Variants in RBMS1 observed in about 807,000 individuals in gnomAD.
RBMS1 encodes the protein RNA binding motif single stranded interacting protein 1.
Under a neutral mutation model 62.3 loss-of-function variants are expected in RBMS1, and 17 were observed. The observed-to-expected ratio is 0.27, with a 90% confidence interval of 0.19 to 0.41. The LOEUF is 0.41. RBMS1 is among the 10% of genes least tolerant of loss of function. The pLI, the probability that RBMS1 is intolerant of heterozygous loss-of-function variation, is 1.00. For synonymous variants in RBMS1, 172 were observed against 170.0 expected (o/e 1.01, Z -0.09); for missense variants, 334 against 504.5 (o/e 0.66, Z 3.24).
chr2:160,374,888 C>T (rs995071124), intron 1 of RBMS1, among the ~76,000 whole-genome samples: 4 of 151,990 alleles, frequency 2.6e-5, no homozygotes. Flanking sequence ...TGAGATTGCA[C>T]CATTGCACTC....
In RBMS1 at chr2:160,415,544, A is replaced by T. The variant is rs576998758; in HGVS notation, c.76-48153T>A. Among the ~76,000 whole-genome samples the T allele has an allele frequency of 1.6e-4, 24 of 152,342 alleles. 1 individual carries two copies. The South Asian group carries it at 5.0e-3, about 32-fold the overall frequency. On this transcript the variant is annotated intron_variant, in intron 1 of 13. Coordinates refer to ENST00000348849, the MANE Select transcript of RBMS1 (RefSeq NM_016836.4). Reference sequence around the variant, plus strand: ...AAAATCTTTATATCGTGGGAAACAAAATTAATTCAAACCTGGAATGACCAT... The same window carrying T: ...AAAATCTTTATATCGTGGGAAACAATATTAATTCAAACCTGGAATGACCAT...
At chr2:160,468,761 C>A (rs1684799317) in intron 1 of RBMS1, among the ~76,000 whole-genome samples, 1 of 152,088 alleles carries the variant, frequency 6.6e-6, no homozygotes, top group African/African-American at 2.4e-5. Context: ...TAATTTGTAT[C>A]CATTAATTCA....
chr2:160,438,209 A>G (rs539149665), intron 1 of RBMS1, among the ~76,000 whole-genome samples: 1 of 152,292 alleles, frequency 6.6e-6, no homozygotes, highest in Non-Finnish European at 1.5e-5. Context: ...AGTTATATAA[A>G]AAGTCCATTG....
chr2:160,438,543 A>C (rs1474339135), intron 1 of RBMS1, among the ~76,000 whole-genome samples: 3 of 152,202 alleles, frequency 2.0e-5, no homozygotes, highest in South Asian at 2.1e-4. Flanking sequence ...CTGAGTGGAC[A>C]CAGCACATGT....
intron 1 of RBMS1, among the ~76,000 whole-genome samples, chr2:160,418,433 T>C (rs890587372): frequency 1.3e-5 from 2 of 152,182 alleles, no homozygotes; most frequent in Non-Finnish European, 2.9e-5. Flanking sequence ...TAAAAAGACA[T>C]ATATCTGAAA....
intron 2 of RBMS1, among the ~76,000 whole-genome samples, chr2:160,347,260 T>TA (rs1486849123): frequency 6.6e-6 from 1 of 152,160 alleles, no homozygotes; most frequent in East Asian, 1.9e-4. Flanking sequence ...TCAAATGGTT[T>TA]AAAGTTTCAG....
Position 160,278,635 on chromosome 2 carries a change from C to T in RBMS1, c.975G>A (p.Met325Ile). ...CGGGCTGTAGTGACATGGTGTGCTC[C>T]ATTGAGGGAGTTAACACGGCACCCT... ...QHPGAVLTPS[M>I]EHTMSLQPAS... The change falls in exon 11 of 14, where the codon ATG (methionine) becomes ATA (isoleucine). Residue 325 changes from methionine to isoleucine, a missense_variant. Coordinates refer to ENST00000348849, the MANE Select transcript of RBMS1 (RefSeq NM_016836.4). 6.2e-7 allele frequency: 1 copy of T among 1,613,120 alleles called. No homozygotes were observed. The highest frequency in any genetic ancestry group is 1.3e-5 in the African/African-American group (1 of 74,986).
intron 1 of RBMS1, among the ~76,000 whole-genome samples, chr2:160,439,416 G>A (rs113508026): frequency 0.24 from 36,919 of 150,890 alleles, 5,547 homozygotes; most frequent in East Asian, 0.58. Context: ...CATCCCGGAC[G>A]GGGCGGCAGG....
rs1412694939 is a variant in RBMS1, at chr2:160,339,842, GT to G, written c.252-21616del. Among the ~76,000 whole-genome samples, 12 of 152,256 alleles carry G rather than the reference GT, an allele frequency of 7.9e-5. No individual in the cohort carries two copies. In the East Asian group the frequency reaches 2.3e-3, roughly 29 times the overall value. ...TAAAGGTATTTATCTTTGCATTGATGTTTAGATCATTACTGCTCATCAAATG... is the reference window on the plus strand; with the variant it reads ...TAAAGGTATTTATCTTTGCATTGATGTTAGATCATTACTGCTCATCAAATG... On this transcript the variant is annotated intron_variant, in intron 2 of 13. Transcript: ENST00000348849.
At chr2:160,321,721 G>A (rs1690571801) in intron 2 of RBMS1, among the ~76,000 whole-genome samples, 1 of 151,948 alleles carries the variant, frequency 6.6e-6, no homozygotes, top group Non-Finnish European at 1.5e-5. Context: ...CTCCTACCAA[G>A]CTCGGGGTCC....
chr2:160,351,992 G>A (rs1454896825), intron 2 of RBMS1, among the ~76,000 whole-genome samples: 2 of 152,058 alleles, frequency 1.3e-5, no homozygotes, highest in South Asian at 2.1e-4. Context: ...GGTAAGTGAA[G>A]AAAAAATCAA....
intron 2 of RBMS1, among the ~76,000 whole-genome samples, chr2:160,361,496 A>G (rs535365249): frequency 6.6e-6 from 1 of 152,376 alleles, no homozygotes; most frequent in South Asian, 2.1e-4. Flanking sequence ...GAGACATTGC[A>G]GGTTTGGTTC....
intron 1 of RBMS1, among the ~76,000 whole-genome samples, chr2:160,413,348 AAAG>A (rs1696101470): frequency 6.6e-6 from 1 of 152,182 alleles, no homozygotes; most frequent in African/African-American, 2.4e-5. Flanking sequence ...GGAGAAAAAA[AAAG>A]AAGAAAAAAT....
At chr2:160,292,736 G>A (rs745461053) in intron 6 of RBMS1, among the ~76,000 whole-genome samples, 1 of 152,160 alleles carries the variant, frequency 6.6e-6, no homozygotes, top group Admixed American at 6.5e-5. Flanking sequence ...ATGTTGATTT[G>A]TGAGGCTGGC....
At chr2:160,385,486 A>C (rs779922991) in intron 1 of RBMS1, among the ~76,000 whole-genome samples, 12 of 152,238 alleles carry the variant, frequency 7.9e-5, no homozygotes, top group Admixed American at 2.0e-4. Flanking sequence ...TCCCCAGAAG[A>C]GGTCCCTGGA....
At chr2:160,403,520 C>T (rs188828705) in intron 1 of RBMS1, among the ~76,000 whole-genome samples, 15 of 152,182 alleles carry the variant, frequency 9.9e-5, no homozygotes, top group Non-Finnish European at 7.4e-5. Flanking sequence ...GAATTCCTCA[C>T]GTGCAGCTAC....
chr2:160,311,236 A>ATATATCTATATATATC (rs1553505445), intron 4 of RBMS1, among the ~76,000 whole-genome samples: 1 of 60,720 alleles, frequency 1.6e-5, no homozygotes, highest in African/African-American at 6.0e-5. Context: ...ATCTATCTAT[A>ATATATCTATATATATC]TATATATATA....
chr2:160,283,208 TGAG>T, intron 9 of RBMS1: 1 of 152,362 alleles, frequency 6.6e-6, no homozygotes, highest in South Asian at 2.1e-4. Flanking sequence ...TTCATTTGCC[TGAG>T]AATAACTTAC....
At chr2:160,487,149 A>G (rs1574121834) in intron 1 of RBMS1, among the ~76,000 whole-genome samples, 1 of 152,388 alleles carries the variant, frequency 6.6e-6, no homozygotes, top group East Asian at 1.9e-4. Flanking sequence ...ACAGCAGAAA[A>G]AATGCAAAAC....
Sources: allele counts gnomAD v4.1 joint callset (sites outside exome capture counted in the v4.1 genomes callset), GRCh38; gene constraint gnomAD v4.1.1; transcripts MANE v1.5; gene names NCBI Gene and HGNC (gene_info 2026-07-23, HGNC 2026-07-21).